SUMF1: variants seen among roughly 807,000 people sequenced by gnomAD.
SUMF1 encodes sulfatase modifying factor 1.
Under a neutral mutation model 47.6 loss-of-function variants are expected in SUMF1, and 48 were observed. The observed-to-expected ratio is 1.01, with a 90% CI of 0.80 to 1.28. The LOEUF is 1.28. SUMF1 is among the 50% of genes most tolerant of loss of function. The pLI, the probability that SUMF1 is intolerant of heterozygous loss-of-function variation, is 0.00. For missense variants in SUMF1, 571 were observed against 485.4 expected (o/e 1.18, Z -1.66); for synonymous variants, 230 against 192.1 (o/e 1.20, Z -1.63).
intron 7 of SUMF1, among the ~76,000 whole-genome samples, chr3:4,404,859 C>G (rs1329678079): frequency 6.6e-6 from 1 of 152,168 alleles, no homozygotes; most frequent in African/African-American, 2.4e-5. Flanking sequence ...GCCCCCAGCA[C>G]ATACTAGGTA....
intron 8 of SUMF1, among the ~76,000 whole-genome samples, chr3:4,284,712 C>T (rs1230128990): frequency 6.7e-6 from 1 of 150,240 alleles, no homozygotes; most frequent in East Asian, 2.0e-4. Flanking sequence ...TCAGGAAAGG[C>T]AAAAAAACTC....
chr3:4,458,166 A>G (rs201633722), intron 1 of SUMF1, among the ~76,000 whole-genome samples: 7 of 152,362 alleles, frequency 4.6e-5, no homozygotes, highest in East Asian at 3.9e-4. Flanking sequence ...AATGCAAATT[A>G]AAACCACAAT....
intron 1 of SUMF1, 120 bp from the exon 2 acceptor site, chr3:4,453,169 C>G: frequency 9.6e-7 from 1 of 1,042,882 alleles, no homozygotes; most frequent in Non-Finnish European, 1.4e-6. Context: ...ACAGTAATAA[C>G]TGTAAAATTC....
chr3:4,317,297 C>T, intron 8 of SUMF1: 1 of 1,274,806 alleles, frequency 7.8e-7, no homozygotes, highest in Non-Finnish European at 1.1e-6. Context: ...CAGTCCAAAA[C>T]CGCAGTTAGT....
At chr3:4,316,424 A>G (rs1450551384) in intron 8 of SUMF1, 3 of 1,592,160 alleles carry the variant, frequency 1.9e-6, no homozygotes, top group African/African-American at 1.3e-5. Context: ...GGCCATCAGA[A>G]GTTGACAACG....
In SUMF1 at chr3:4,045,274, A is replaced by C. The variant is rs538845078; in HGVS notation, c.1191+23295T>G. On this transcript the variant is annotated intron_variant and NMD_transcript_variant, in intron 9 of 12. Transcript: ENST00000448413. ...CCTGTGTCTTCAGATCATGCCAAGG[A>C]GTTCTAGCCTCCCCCTCCTAACAGC... is the stretch of plus-strand genomic sequence containing the variant. 4.6e-5 allele frequency among the ~76,000 whole-genome samples: 7 copies of C among 152,106 alleles called. No homozygotes were observed. In the South Asian group the frequency reaches 1.5e-3, roughly 32 times the overall value.
At chr3:4,129,774 C>T (rs929566415) in intron 8 of SUMF1, among the ~76,000 whole-genome samples, 1 of 152,084 alleles carries the variant, frequency 6.6e-6, no homozygotes, top group Non-Finnish European at 1.5e-5. Context: ...TTGTGGTCCT[C>T]CAGTTAAAGT....
intron 8 of SUMF1, among the ~76,000 whole-genome samples, chr3:4,172,707 T>C (rs1357916936): frequency 6.6e-6 from 1 of 152,126 alleles, no homozygotes; most frequent in Non-Finnish European, 1.5e-5. Flanking sequence ...TTTTTGTTTT[T>C]TGGGGTTTTT....
intron 8 of SUMF1, among the ~76,000 whole-genome samples, chr3:4,329,448 G>T (rs1588251): frequency 1.4e-4 from 22 of 152,344 alleles, no homozygotes; most frequent in African/African-American, 5.1e-4. Context: ...TCAAAACCAC[G>T]TGAAAGCTGC....
chr3:4,122,947 A>G (rs1693577752), intron 8 of SUMF1, among the ~76,000 whole-genome samples: 1 of 152,186 alleles, frequency 6.6e-6, no homozygotes, highest in East Asian at 1.9e-4. Context: ...ATATGTGCCC[A>G]TTCAACAACA....
chr3:4,379,164 A>G (rs943870143), intron 7 of SUMF1, among the ~76,000 whole-genome samples: 1 of 152,282 alleles, frequency 6.6e-6, no homozygotes, highest in African/African-American at 2.4e-5. Context: ...GCCAAAAAAC[A>G]GAAAAATTAC....
chr3:4,242,454 C>T (rs1046958984), intron 8 of SUMF1, among the ~76,000 whole-genome samples: 1 of 152,104 alleles, frequency 6.6e-6, no homozygotes, highest in African/African-American at 2.4e-5. Context: ...TCCATCAACA[C>T]CTAGTTTATT....
At position 4,047,937 on chromosome 3, in the gene SUMF1, C is replaced by G. The variant is rs78656117; in HGVS notation, c.1191+20632G>C. Among the ~76,000 whole-genome samples the G allele has an allele frequency of 4.9e-3, 742 of 152,180 alleles. 8 individuals carry two copies. Among genetic ancestry groups the G allele is most frequent in the African/African-American group, 0.017 (709 of 41,520 alleles). Reference sequence around the variant, plus strand: ...TTTATCATTTCATCTTTACCTCGATCCTATGGCATAGTTCCAATATTATCC... The same window carrying G: ...TTTATCATTTCATCTTTACCTCGATGCTATGGCATAGTTCCAATATTATCC... On this transcript the variant is annotated intron_variant and NMD_transcript_variant, in intron 9 of 12. Coordinates refer to the SUMF1 transcript ENST00000448413.
Position 4,457,098 on chromosome 3 carries a change from T to C in SUMF1, c.271-4049A>G, listed in dbSNP as rs111736246. Among the ~76,000 whole-genome samples, 3 of 119,414 alleles carry C rather than the reference T, an allele frequency of 2.5e-5. No homozygotes were observed. In the South Asian group the frequency reaches 7.7e-4, roughly 31 times the overall value. 78.3% of individuals were successfully genotyped at this position (119,414 alleles called of 152,430 possible). On this transcript the variant is annotated intron_variant, in intron 1 of 8. Transcript: ENST00000272902. ...TACGTGTGTGTATATATATATATTT[T>C]TTTTGTTTTGTTTTGTTTTTTTTAG...
In SUMF1 at chr3:4,086,875, A is replaced by G. The variant is rs1380429784; in HGVS notation, c.1015-18130T>C. On this transcript the variant is annotated intron_variant and NMD_transcript_variant, in intron 8 of 12. Transcript: ENST00000448413. ...TCATTTCTGTCTTGTCTGCTGCCAC[A>G]TAAGACATGCCTCTTGCCTTCCACC... is the stretch of plus-strand genomic sequence containing the variant. Among the ~76,000 whole-genome samples, 6 of 152,068 alleles carry G rather than the reference A, an allele frequency of 3.9e-5. No homozygotes were observed. In the East Asian group the frequency reaches 5.8e-4, roughly 15 times the overall value.
intron 4 of SUMF1, among the ~76,000 whole-genome samples, chr3:4,419,429 T>C (rs928887421): frequency 1.3e-5 from 2 of 152,200 alleles, no homozygotes; most frequent in East Asian, 3.8e-4. Flanking sequence ...AAAATTAGGT[T>C]AGGAGAGCAG....
chr3:4,091,446 G>C (rs1692785068), intron 8 of SUMF1, among the ~76,000 whole-genome samples: 1 of 152,090 alleles, frequency 6.6e-6, no homozygotes, highest in Non-Finnish European at 1.5e-5. Flanking sequence ...GCAAGGAATT[G>C]AATGTACCTT....
At chr3:4,254,270 T>C (rs902517539) in intron 8 of SUMF1, among the ~76,000 whole-genome samples, 22 of 151,918 alleles carry the variant, frequency 1.4e-4, no homozygotes, top group South Asian at 4.2e-4. Context: ...GGAGAATGAC[T>C]TTGACGAGCT....
chr3:4,408,854 TG>T (rs1358414773), intron 7 of SUMF1, among the ~76,000 whole-genome samples: 1 of 151,726 alleles, frequency 6.6e-6, no homozygotes, highest in Non-Finnish European at 1.5e-5. Context: ...CCCAGCTACT[TG>T]GGAGGCTGAG....
Sources: allele counts gnomAD v4.1 joint callset (sites outside exome capture counted in the v4.1 genomes callset), GRCh38; gene constraint gnomAD v4.1.1; transcripts MANE v1.5; gene names NCBI Gene and HGNC (gene_info 2026-07-23, HGNC 2026-07-21).